ACTN3: variants seen among roughly 807,000 people sequenced by gnomAD.
The protein encoded by ACTN3 is alpha-actinin-3.
ACTN3 carries 91 observed loss-of-function variants against 119.6 expected under a neutral mutation model. The ratio of observed to expected loss-of-function variants is 0.76; its 90% CI spans 0.64 to 0.91. The LOEUF is 0.91. Ranked by LOEUF, ACTN3 falls within the 40% of genes least tolerant of loss-of-function variation. The probability of loss-of-function intolerance (pLI) is 0.00; values close to 1 mark genes in which losing one functional copy is unlikely to be tolerated. For synonymous variants in ACTN3, 456 were observed against 478.8 expected (o/e 0.95, Z 0.62); for missense variants, 1,221 against 1,215.1 (o/e 1.00, Z -0.07).
chr11:66,563,278 AAG>A lies in ACTN3; in HGVS notation c.*89_*90del. On this transcript the variant is annotated 3_prime_UTR_variant, in exon 21 of 21. Coordinates refer to ENST00000513398, the MANE Select transcript of ACTN3 (RefSeq NM_001104.4). ...CATCCGTCCCTCGGAGCAAGGGCCTAAGAGAAAAGCCAGCCAAGTGCTTCTGA... is the reference window on the plus strand; with the variant it reads ...CATCCGTCCCTCGGAGCAAGGGCCTAAGAAAAGCCAGCCAAGTGCTTCTGA... 6.8e-7 allele frequency: 1 copy of A among 1,466,540 alleles called. No homozygotes were observed. Among genetic ancestry groups the A allele is most frequent in the Non-Finnish European group, 9.1e-7 (1 of 1,102,400 alleles). 90.8% of individuals were successfully genotyped at this position (1,466,540 alleles called of 1,614,324 possible).
At chr11:66,554,210 G>A in intron 4 of ACTN3, 79 bp downstream of exon 4, 1 of 1,261,832 alleles carries the variant, frequency 7.9e-7, no homozygotes, top group Non-Finnish European at 1.1e-6. Flanking sequence ...GGTCGAGGCG[G>A]GCAGACCACT....
intron 3 of ACTN3, among the ~76,000 whole-genome samples, chr11:66,553,567 A>T (rs913780946): frequency 2.0e-5 from 3 of 149,866 alleles, no homozygotes; most frequent in South Asian, 2.1e-4. Flanking sequence ...AAATTATAAT[A>T]AAAAAAAAGA....
In ACTN3 at chr11:66,563,156, C is replaced by A; in HGVS notation, c.2669C>A (p.Ala890Asp). Residue 890 changes from alanine to aspartate, a missense_variant, in exon 21 of 21, where the codon GCC (alanine) becomes GAC (aspartate). Ala to Asp is a moderately radical substitution (Grantham distance 126). Coordinates refer to ENST00000513398, the MANE Select transcript of ACTN3 (RefSeq NM_001104.4). Reference sequence around the variant, plus strand: ...CCGGCTGGAGCCCTGGACTACGTGGCCTTCTCCAGTGCCCTCTATGGGGAG... The same window carrying A: ...CCGGCTGGAGCCCTGGACTACGTGGACTTCTCCAGTGCCCTCTATGGGGAG... ...GAPAGALDYV[A>D]FSSALYGESD... 1 of 1,612,766 alleles carries A rather than the reference C, an allele frequency of 6.2e-7. No individual in the cohort carries two copies. The highest frequency in any genetic ancestry group is 1.7e-5 in the Admixed American group (1 of 59,916).
At position 66,562,808 on chromosome 11, in the gene ACTN3, T is replaced by C. The variant is rs779227516; in HGVS notation, c.2401T>C (p.Phe801Leu). Residue 801 changes from phenylalanine (F) to leucine (L), a missense_variant, in exon 20 of 21, where the codon TTT (phenylalanine) becomes CTT (leucine). Physicochemically the swap from Phe to Leu is conservative, Grantham distance 22 (BLOSUM62 0). This residue lies in a region of ACTN3 where 934 missense variants were observed against 899.9 expected (regional missense o/e 1.04). Transcript: ENST00000513398. ...SMGYDLGEVE[F>L]ARIMTMVDPN... ...TCTATCCCTGCAGGGGGAAGTGGAG[T>C]TTGCTCGCATCATGACCATGGTGGA... 3 of 1,608,652 alleles carry C rather than the reference T, an allele frequency of 1.9e-6. No homozygotes were observed. Among genetic ancestry groups the C allele is most frequent in the Middle Eastern group, 1.7e-4 (1 of 6,036 alleles).
rs748223048 is a variant in ACTN3 at position 66,557,880 on chromosome 11, G to A, written c.1079G>A (p.Arg360Gln). 94 of 1,613,986 alleles carry A rather than the reference G, an allele frequency of 5.8e-5. No homozygotes were observed. The highest frequency in any genetic ancestry group is 3.3e-4 in the Middle Eastern group (2 of 6,084). ...TTCAACACACTGCAGACCAAGTTGC[G>A]GCTCAGCCACCGGCCTGCCTTCATG... ...INFNTLQTKLRLSHRPAFMPS... is the reference protein window; with the variant it reads ...INFNTLQTKLQLSHRPAFMPS... Residue 360 changes from arginine (R) to glutamine (Q), a missense_variant, in exon 10 of 21, where the codon CGG (arginine) becomes CAG (glutamine). Arg to Gln is a conservative substitution (Grantham distance 43). Coordinates refer to ENST00000513398, the MANE Select transcript of ACTN3 (RefSeq NM_001104.4).
chr11:66,562,817 A>T lies in ACTN3; in HGVS notation c.2410A>T (p.Ile804Phe). The T allele has an allele frequency of 6.2e-7, 1 of 1,612,456 alleles. No homozygotes were observed. The highest frequency in any genetic ancestry group is 1.1e-5 in the South Asian group (1 of 90,894). Residue 804 changes from isoleucine to phenylalanine, a missense_variant, in exon 20 of 21, where the codon ATC becomes TTC. Physicochemically the swap from Ile to Phe is conservative, Grantham distance 21. Coordinates refer to ENST00000513398, the MANE Select transcript of ACTN3 (RefSeq NM_001104.4). ...YDLGEVEFAR[I>F]MTMVDPNAAG... ...GCAGGGGGAAGTGGAGTTTGCTCGC[A>T]TCATGACCATGGTGGACCCCAACGC...
chr11:66,561,116 C>A (rs1565309332), intron 15 of ACTN3, 111 bp from the exon 16 acceptor site: 1 of 1,387,338 alleles, frequency 7.2e-7, no homozygotes, highest in Non-Finnish European at 9.6e-7. Context: ...ATATCCCAGA[C>A]AAGTTGGCTC....
chr11:66,546,882 G>A, upstream of ACTN3: 1 of 1,510,806 alleles, frequency 6.6e-7, no homozygotes, highest in Non-Finnish European at 8.8e-7. Context: ...CCTACTTAAT[G>A]GGGCCCGGGT....
At chr11:66,557,365 C>A in intron 9 of ACTN3, 140 bp downstream of exon 9, 3 of 767,480 alleles carry the variant, frequency 3.9e-6, no homozygotes, top group South Asian at 3.5e-5. Flanking sequence ...CCTGTCCATC[C>A]CCACCCATCA....
In ACTN3 at chr11:66,563,125, G is replaced by A. The variant is rs374550441; in HGVS notation, c.2638G>A (p.Gly880Arg). The change falls in exon 21 of 21, where the codon GGG becomes AGG. Residue 880 changes from glycine to arginine, a missense_variant. Transcript: ENST00000513398. ...CCGTATGGTGCCCTACAAGGGATCC[G>A]GGGCCCCGGCTGGAGCCCTGGACTA... is the stretch of plus-strand genomic sequence containing the variant. ...IRRMVPYKGS[G>R]APAGALDYVA... 2.0e-5 allele frequency: 33 copies of A among 1,613,196 alleles called. No individual in the cohort carries two copies. Among genetic ancestry groups the A allele is most frequent in the Middle Eastern group, 1.7e-4 (1 of 6,058 alleles).
chr11:66,560,729 C>T lies in ACTN3; in HGVS notation c.1834C>T (p.Gln612Ter). The T allele has an allele frequency of 6.2e-7, 1 of 1,613,100 alleles. No homozygotes were observed. Among genetic ancestry groups the T allele is most frequent in the Non-Finnish European group, 8.5e-7 (1 of 1,179,356 alleles). The stretch of plus-strand genomic sequence containing the variant: ...CAATCCCTACATCACCCTCAGCCCG[C>T]AGGACATCAACACCAAGTGGGATAT... ...STNPYITLSP[Q>*]DINTKWDMVR... Residue 612 changes from glutamine (Q) to a stop codon, truncating the protein, a stop_gained, in exon 15 of 21, where the codon CAG (glutamine) becomes TAG (stop). Coordinates refer to ENST00000513398, the MANE Select transcript of ACTN3 (RefSeq NM_001104.4). LOFTEE classifies it high-confidence loss of function.
rs773565355 is a variant in ACTN3, at chr11:66,561,572, G to A, written c.2110G>A (p.Gly704Ser). The change falls in exon 17 of 21, where the codon GGT becomes AGT. Residue 704 changes from glycine to serine, a missense_variant. Gly to Ser is a moderately conservative substitution (Grantham distance 56). Coordinates refer to ENST00000513398, the MANE Select transcript of ACTN3 (RefSeq NM_001104.4). ...CAAGACTAACATTGACCGGCTGGAG[G>A]GTGACCACCAGCTGCTGCAGGAGAG... The part of the protein sequence containing the change: ...NYKTNIDRLE[G>S]DHQLLQESLV... The A allele has an allele frequency of 3.8e-5, 62 of 1,612,798 alleles. No individual in the cohort carries two copies. The highest frequency in any genetic ancestry group is 5.1e-5 in the Non-Finnish European group (60 of 1,179,566).
At chr11:66,546,396 A>C, upstream of ACTN3, 2 of 732,520 alleles carry the variant, frequency 2.7e-6, no homozygotes, top group South Asian at 3.7e-5. Context: ...CCCGATATTA[A>C]TAGCCCTGCC....
At chr11:66,554,156 G>A (rs749566882) in intron 4 of ACTN3, 25 bp downstream of exon 4, 4 of 1,609,018 alleles carry the variant, frequency 2.5e-6, no homozygotes, top group South Asian at 1.1e-5. Flanking sequence ...AGGAGGTTGG[G>A]GCCAGGTGCA....
upstream of ACTN3, chr11:66,546,830 C>T: frequency 1.3e-6 from 2 of 1,525,438 alleles, no homozygotes. Flanking sequence ...CCTCCCTCCT[C>T]CCCCATATTT....
intron 11 of ACTN3, 102 bp from the exon 12 acceptor site, chr11:66,559,134 C>G (rs1438654653): frequency 7.8e-7 from 1 of 1,279,508 alleles, no homozygotes; most frequent in Admixed American, 3.2e-5. Context: ...TAGGCCGGTG[C>G]GATCGCCACC....
rs1857770561 is a variant in ACTN3, at chr11:66,561,629, A to G, written c.2167A>G (p.Ser723Gly). The G allele has an allele frequency of 3.1e-6, 5 of 1,611,762 alleles. No homozygotes were observed. Among genetic ancestry groups the G allele is most frequent in the Non-Finnish European group, 3.4e-6 (4 of 1,179,046 alleles). The change falls in exon 17 of 21, where the codon AGC (serine) becomes GGC (glycine). Residue 723 changes from serine (S) to glycine (G), a missense_variant. Transcript: ENST00000513398. The stretch of plus-strand genomic sequence containing the variant: ...GTTCGACAATAAGCACACCGTCTAC[A>G]GCATGGAGGTGGGATCACACCCTCT... ...LVFDNKHTVY[S>G]MEHIRVGWEQ... is the part of the protein sequence containing the mutation.
chr11:66,559,884 G>A lies in ACTN3; in HGVS notation c.1428-84G>A, dbSNP rs532237907. 7 of 1,371,280 alleles carry A rather than the reference G, an allele frequency of 5.1e-6. No individual in the cohort carries two copies. In the African/African-American group the frequency reaches 5.7e-5, roughly 11 times the overall value. The allele number at this position is 1,371,280 out of a possible 1,614,324, so 84.9% of individuals were successfully genotyped here. A position where few individuals can be genotyped will look rare whatever the true frequency, so the allele number is the denominator to read the frequency against. ...CTCCCGCACGCCTTCACCCCCATCC[G>A]GGGAGCAGGTTCCAGCCCTGGGAGT... On this transcript the variant is annotated intron_variant, in intron 12 of 20. Coordinates refer to ENST00000513398, the MANE Select transcript of ACTN3 (RefSeq NM_001104.4).
chr11:66,546,937 G>T lies in ACTN3; in HGVS notation c.-1G>T. 6.5e-7 allele frequency: 1 copy of T among 1,539,390 alleles called. No individual in the cohort carries two copies. Among genetic ancestry groups the T allele is most frequent in the Non-Finnish European group, 8.7e-7 (1 of 1,148,008 alleles). On this transcript the variant is annotated 5_prime_UTR_variant, in exon 1 of 21. Coordinates refer to ENST00000513398, the MANE Select transcript of ACTN3 (RefSeq NM_001104.4). Reference sequence around the variant, plus strand: ...GGAGCGAAGCCAGGAGCCCGATCGAGATGATGATGGTTATGCAGCCCGAGG... The same window carrying T: ...GGAGCGAAGCCAGGAGCCCGATCGATATGATGATGGTTATGCAGCCCGAGG...
Sources: allele counts gnomAD v4.1 joint callset (sites outside exome capture counted in the v4.1 genomes callset), GRCh38; gene constraint gnomAD v4.1.1; regional missense constraint gnomAD v4.1.1; transcripts MANE v1.5; gene names NCBI Gene and HGNC (gene_info 2026-07-23, HGNC 2026-07-21).